The following SHANK1 variants were observed in gnomAD, a reference collection of about 807,000 sequenced individuals.
The protein encoded by SHANK1 is SH3 and multiple ankyrin repeat domains protein 1.
A neutral mutation model predicts 165.6 loss-of-function variants in SHANK1; 35 were observed. The observed-to-expected ratio is 0.21, with a 90% CI of 0.16 to 0.28. The LOEUF (loss-of-function observed/expected upper bound fraction) is 0.28. Ranked by LOEUF, SHANK1 falls within the 10% of genes least tolerant of loss-of-function variation. The pLI is 1.00. For missense variants in SHANK1, 2,681 were observed against 3,036.4 expected, an observed-to-expected ratio of 0.88 and a Z score of 2.75; for synonymous variants, 1,428 against 1,384.8, an observed-to-expected ratio of 1.03 and a Z score of -0.69.
chr19:50,680,180 C>T (rs774820338), intron 21 of SHANK1, among the ~76,000 whole-genome samples: 1 of 150,706 alleles, frequency 6.6e-6, no homozygotes, highest in Non-Finnish European at 1.5e-5. Context: ...GTGAGAGAGG[C>T]GAAGAGCGAC....
At position 50,666,228 on chromosome 19, in the gene SHANK1, T is replaced by A; in HGVS notation, c.5732A>T (p.Tyr1911Phe). The change falls in exon 23 of 24, where the codon TAT becomes TTT. Residue 1911 changes from tyrosine to phenylalanine, a missense_variant. Transcript: ENST00000293441. ...CAGGGAGGAGGTCCTCTCGGGGACA[T>A]AGCTGGCTCCCCCGTGGTGGCTGTC... ...GGDSHHGGAS[Y>F]VPERTSSLQR... 1 of 1,607,878 alleles carries A rather than the reference T, an allele frequency of 6.2e-7. No individual in the cohort carries two copies. The highest frequency in any genetic ancestry group is 1.3e-5 in the African/African-American group (1 of 74,980).
rs575394694 is a variant in SHANK1, at chr19:50,686,836, C to A, written c.2390-24G>T. ...CTCTGTGGGCAAAGAACACGGATGA[C>A]GCCCAGGGAGCCCCCGGGGGCGGGG... On this transcript the variant is annotated intron_variant, in intron 19 of 23. Coordinates refer to ENST00000293441, the MANE Select transcript of SHANK1 (RefSeq NM_016148.5). The surrounding 1 kb of genome is among the most constrained non-coding windows in gnomAD (Gnocchi z 5.7). The A allele has an allele frequency of 1.4e-4, 232 of 1,612,796 alleles. 2 individuals are homozygous for A. The highest frequency in any genetic ancestry group is 9.9e-4 in the South Asian group (90 of 91,020).
At chr19:50,703,336 C>T (rs1285716765) in intron 11 of SHANK1, among the ~76,000 whole-genome samples, 164 bp downstream of exon 11, 2 of 152,056 alleles carry the variant, frequency 1.3e-5, no homozygotes, top group East Asian at 1.9e-4. Flanking sequence ...GGGGTGGAGT[C>T]GGGACAGTAG....
intron 8 of SHANK1, 145 bp from the exon 9 acceptor site, chr19:50,704,659 AG>A: frequency 1.4e-6 from 1 of 722,030 alleles, no homozygotes; most frequent in Admixed American, 2.4e-5. Flanking sequence ...GCCACCTGCC[AG>A]GTACGGACCA....
rs1304696171 is a variant in SHANK1, at chr19:50,686,224, C to G, written c.2577+13G>C. On this transcript the variant is annotated intron_variant, in intron 21 of 23. Coordinates refer to ENST00000293441, the MANE Select transcript of SHANK1 (RefSeq NM_016148.5). This position sits in a 1 kb window ranked among gnomAD's most constrained non-coding sequence, Gnocchi z 5.7. ...TCCCCCCTGGCAGTTCCTCCCCACA[C>G]CAGGCCGCCTACCTCAGTGGCAAAG... The G allele has an allele frequency of 6.5e-7, 1 of 1,543,524 alleles. No individual in the cohort carries two copies. The highest frequency in any genetic ancestry group is 2.3e-5 in the East Asian group (1 of 43,480).
chr19:50,716,794 G>A lies in SHANK1; in HGVS notation c.126C>T (p.Gly42=), dbSNP rs745609584. The A allele has an allele frequency of 1.3e-6, 2 of 1,597,978 alleles. No homozygotes were observed. Among genetic ancestry groups the A allele is most frequent in the East Asian group, 2.2e-5 (1 of 44,650 alleles). Residue 42 remains glycine (G), a synonymous_variant, in exon 2 of 24, where the codon GGC becomes GGT. Transcript: ENST00000293441. This position sits in a 1 kb window ranked among gnomAD's most constrained non-coding sequence, Gnocchi z 8.4. ...GPGRGPRGTR[G]QGSGAPGSLA... ...GGCTACCAGGTGCCCCACTGCCCTG[G>A]CCCCGGGTCCCCCGGGGGCCTCGAC...
chr19:50,668,244 G>A lies in SHANK1; in HGVS notation c.3716C>T (p.Ala1239Val). The change falls in exon 23 of 24, where the codon GCG becomes GTG. Residue 1239 changes from alanine to valine, a missense_variant. Physicochemically the swap from Ala to Val is moderately conservative, Grantham distance 64 (BLOSUM62 0). Around this residue, in one of 10 missense-constraint regions of SHANK1, gnomAD observed 1,713 missense variants for 1,630.2 expected, o/e 1.05. Transcript: ENST00000293441. The part of the protein sequence containing the change: ...TSQFGAALVG[A>V]ARREGGWQNE... ...CTGCCAGCCCCCCTCCCTCCGGGCC[G>A]CCCCCACCAGGGCGGCCCCGAACTG... 4.8e-6 allele frequency: 7 copies of A among 1,448,032 alleles called. No homozygotes were observed. The highest frequency in any genetic ancestry group is 2.9e-5 in the South Asian group (2 of 68,988). 89.7% of individuals were successfully genotyped at this position (1,448,032 alleles called of 1,614,324 possible).
rs1029041628 is a variant in SHANK1, at chr19:50,668,192, C to G, written c.3768G>C (p.Leu1256=). The part of the protein sequence containing the change: ...WQNEARRRST[L]FLSTDAGDED... ...CGTCCCCCGCGTCGGTGGACAGGAA[C>G]AGCGTGGAGCGCCGGCGCGCCTCAT... Residue 1256 remains leucine (L), a synonymous_variant, in exon 23 of 24, where the codon CTG becomes CTC. Transcript: ENST00000293441. 1.3e-6 allele frequency: 2 copies of G among 1,495,038 alleles called. No homozygotes were observed. The highest frequency in any genetic ancestry group is 1.8e-6 in the Non-Finnish European group (2 of 1,134,594). The allele number at this position is 1,495,038 out of a possible 1,614,324, so 92.6% of individuals were successfully genotyped here.
chr19:50,695,086 CCCGCCGCCG>C (rs768896742), intron 15 of SHANK1, among the ~76,000 whole-genome samples: 10 of 145,824 alleles, frequency 6.9e-5, no homozygotes, highest in Non-Finnish European at 1.1e-4. Context: ...GCCGGCCGCC[CCCGCCGCCG>C]CCGCCGCCGC....
At chr19:50,694,874 G>A (rs1224786436) in intron 15 of SHANK1, among the ~76,000 whole-genome samples, 2 of 150,500 alleles carry the variant, frequency 1.3e-5, no homozygotes, top group African/African-American at 2.4e-5. Flanking sequence ...CGGCCGGCCC[G>A]CAAAGCAGGA....
At position 50,717,029 on chromosome 19, in the gene SHANK1, C is replaced by T. The variant is rs1171575517; in HGVS notation, c.-43-67G>A. ...CCCCTCAGAGGCCGCAGGCGCTATTCGGTGGTCAAGCGGTCAAGGGCAGCC... is the reference window on the plus strand; with the variant it reads ...CCCCTCAGAGGCCGCAGGCGCTATTTGGTGGTCAAGCGGTCAAGGGCAGCC... On this transcript the variant is annotated intron_variant, in intron 1 of 23. Coordinates refer to ENST00000293441, the MANE Select transcript of SHANK1 (RefSeq NM_016148.5). This position sits in a 1 kb window ranked among gnomAD's most constrained non-coding sequence, Gnocchi z 5.5. 24 of 1,302,410 alleles carry T rather than the reference C, an allele frequency of 1.8e-5. No homozygotes were observed. The highest frequency in any genetic ancestry group is 1.8e-4 in the Admixed American group (5 of 28,532). 80.7% of individuals were successfully genotyped at this position (1,302,410 alleles called of 1,614,324 possible).
chr19:50,677,776 G>C (rs1261660076), intron 21 of SHANK1, among the ~76,000 whole-genome samples: 1 of 152,172 alleles, frequency 6.6e-6, no homozygotes, highest in East Asian at 1.9e-4. Context: ...CTCCAAGCAG[G>C]CTTCAGGAGG....
In SHANK1 at chr19:50,662,989, C is replaced by T. The variant is rs947267722; in HGVS notation, c.5769-307G>A. On this transcript the variant is annotated intron_variant, in intron 23 of 23. Coordinates refer to ENST00000293441, the MANE Select transcript of SHANK1 (RefSeq NM_016148.5). The surrounding 1 kb of genome is among the most constrained non-coding windows in gnomAD (Gnocchi z 7.7). The stretch of plus-strand genomic sequence containing the variant: ...CACCGCTTACTGATGCTCACGTGTG[C>T]CAGGCATTGTTCTAAGTGCTTTACA... 5.0e-5 allele frequency: 21 copies of T among 423,696 alleles called. No individual in the cohort carries two copies. The highest frequency in any genetic ancestry group is 1.2e-4 in the Admixed American group (3 of 24,924). The allele number at this position is 423,696 out of a possible 1,614,324, so 26.2% of individuals were successfully genotyped here. A position where few individuals can be genotyped will look rare whatever the true frequency, so the allele number is the denominator to read the frequency against.
chr19:50,707,876 T>TTTTTTTCTTTTCTTTTCTTTTC (rs2088958078), intron 8 of SHANK1, among the ~76,000 whole-genome samples: 7 of 95,018 alleles, frequency 7.4e-5, no homozygotes, highest in Admixed American at 1.1e-4. Flanking sequence ...CTTTTGCGTG[T>TTTTTTTCTTTTCTTTTCTTTTC]TTTTCTTTTC....
Position 50,718,014 on chromosome 19 carries a change from C to T in SHANK1, c.-43-1052G>A, listed in dbSNP as rs1428194372. On this transcript the variant is annotated intron_variant, in intron 1 of 23. Coordinates refer to ENST00000293441, the MANE Select transcript of SHANK1 (RefSeq NM_016148.5). The surrounding 1 kb of genome is among the most constrained non-coding windows in gnomAD (Gnocchi z 5.1). Reference sequence around the variant, plus strand: ...CCAACTCCCACCCCAGCACCGGAAACCAGAATGTCTGGTCTGGTCCCTCCC... The same window carrying T: ...CCAACTCCCACCCCAGCACCGGAAATCAGAATGTCTGGTCTGGTCCCTCCC... Among the ~76,000 whole-genome samples the T allele has an allele frequency of 2.0e-5, 3 of 152,122 alleles. No individual in the cohort carries two copies. Among genetic ancestry groups the T allele is most frequent in the Non-Finnish European group, 4.4e-5 (3 of 68,010 alleles).
intron 15 of SHANK1, among the ~76,000 whole-genome samples, chr19:50,694,012 GCACACAC>G (rs1381746671): frequency 8.0e-5 from 11 of 137,142 alleles, no homozygotes; most frequent in Non-Finnish European, 1.6e-4. Flanking sequence ...ACCCACTCCA[GCACACAC>G]CACACACACA....
At chr19:50,669,361 C>A (rs933325577) in intron 22 of SHANK1, 76 bp from the exon 23 acceptor site, 75 of 950,674 alleles carry the variant, frequency 7.9e-5, no homozygotes, top group Non-Finnish European at 1.2e-4. Context: ...CATAGAACCG[C>A]AACAATACTA....
chr19:50,714,780 T>C (rs1360028519), intron 4 of SHANK1, among the ~76,000 whole-genome samples: 2 of 152,064 alleles, frequency 1.3e-5, no homozygotes, highest in East Asian at 1.9e-4. Context: ...ATTTAACTGA[T>C]ATAGCTACAA....
Position 50,711,411 on chromosome 19 carries a change from G to T in SHANK1, c.1037C>A (p.Ser346Ter). 1 of 1,560,174 alleles carries T rather than the reference G, an allele frequency of 6.4e-7. No individual in the cohort carries two copies. Residue 346 changes from serine to a stop codon, truncating the protein, a stop_gained, in exon 8 of 24, where the codon TCG becomes TAG. Coordinates refer to ENST00000293441, the MANE Select transcript of SHANK1 (RefSeq NM_016148.5). LOFTEE classifies it high-confidence loss of function. ...GCAGATGTGCAGAGCCGTGTTCCCC[G>T]AGGCGTTCTGGGCTCCAGGCTCAGC... ...YGAEPGAQNA[S>*]GNTALHICAL...
Sources: allele counts gnomAD v4.1 joint callset (sites outside exome capture counted in the v4.1 genomes callset), GRCh38; gene constraint gnomAD v4.1.1; regional missense constraint gnomAD v4.1.1; non-coding constraint Gnocchi (gnomAD v3.1); transcripts MANE v1.5; gene names NCBI Gene and HGNC (gene_info 2026-07-23, HGNC 2026-07-21).